Variants in GLRA3 observed in about 807,000 individuals in gnomAD.
GLRA3 encodes glycine receptor alpha 3.
Under a neutral mutation model 60.4 loss-of-function variants are expected in GLRA3, and 44 were observed. The ratio of observed to expected loss-of-function variants is 0.73; its 90% CI spans 0.57 to 0.94. The LOEUF (loss-of-function observed/expected upper bound fraction) is 0.94. GLRA3 is among the 40% of genes least tolerant of loss of function. GLRA3 has a pLI of 0.00. For missense variants in GLRA3, 508 were observed against 564.6 expected (o/e 0.90, Z 1.02); for synonymous variants, 223 against 192.9 (o/e 1.16, Z -1.29).
intron 5 of GLRA3, among the ~76,000 whole-genome samples, chr4:174,702,671 G>A (rs1022129936): frequency 2.6e-5 from 4 of 152,102 alleles, no homozygotes; most frequent in Non-Finnish European, 4.4e-5. Flanking sequence ...GGGCTCAAGT[G>A]GTCCTTTCAC....
chr4:174,642,791 GT>G lies in GLRA3; in HGVS notation c.*994del. ...CCCATAAAACATTGATGGGAAAATG[GT>G]TTTTATTAAAAAATCTTCCATGAAT... On this transcript the variant is annotated 3_prime_UTR_variant, in exon 10 of 10. Coordinates refer to ENST00000274093, the MANE Select transcript of GLRA3 (RefSeq NM_006529.4). 1.2e-6 allele frequency: 1 copy of G among 802,250 alleles called. No individual in the cohort carries two copies. The highest frequency in any genetic ancestry group is 1.5e-6 in the Non-Finnish European group (1 of 663,360). The allele number at this position is 802,250 out of a possible 1,614,324, so 49.7% of individuals were successfully genotyped here.
chr4:174,800,601 A>C (rs909414901), intron 1 of GLRA3, among the ~76,000 whole-genome samples: 92 of 146,242 alleles, frequency 6.3e-4, no homozygotes, highest in African/African-American at 7.8e-4. Context: ...TTAAAACCAA[A>C]CCCCCCCCGC....
intron 5 of GLRA3, among the ~76,000 whole-genome samples, chr4:174,690,307 T>G (rs1023197651): frequency 1.3e-5 from 2 of 152,224 alleles, no homozygotes; most frequent in Non-Finnish European, 2.9e-5. Context: ...GTTAGTATTT[T>G]CATTTACATT....
At chr4:174,680,392 A>G (rs150767899) in intron 6 of GLRA3, among the ~76,000 whole-genome samples, 1,968 of 152,338 alleles carry the variant, frequency 0.013, 23 homozygotes, top group South Asian at 0.034. Flanking sequence ...GCAAAAAATA[A>G]GTAAACATAA....
chr4:174,712,348 T>A (rs1163852321), intron 5 of GLRA3, among the ~76,000 whole-genome samples: 1 of 152,174 alleles, frequency 6.6e-6, no homozygotes, highest in Non-Finnish European at 1.5e-5. Context: ...ATAATTTTTA[T>A]CATTATATTT....
chr4:174,794,598 G>A (rs533961269), intron 1 of GLRA3, among the ~76,000 whole-genome samples: 133 of 152,030 alleles, frequency 8.7e-4, no homozygotes, highest in Non-Finnish European at 1.6e-3. Flanking sequence ...TATCCCTTTC[G>A]AATAACTAAA....
At chr4:174,744,906 G>A (rs547993883) in intron 3 of GLRA3, among the ~76,000 whole-genome samples, 1 of 152,178 alleles carries the variant, frequency 6.6e-6, no homozygotes, top group South Asian at 2.1e-4. Context: ...ACAGAAATCA[G>A]AAAAACAATT....
At chr4:174,813,116 TAGA>T (rs1740335937) in intron 1 of GLRA3, among the ~76,000 whole-genome samples, 2 of 152,182 alleles carry the variant, frequency 1.3e-5, no homozygotes, top group South Asian at 2.1e-4. Context: ...TGCTCATATA[TAGA>T]AGAATTTTTT....
At chr4:174,727,162 A>G (rs1157144239) in intron 4 of GLRA3, among the ~76,000 whole-genome samples, 1 of 152,218 alleles carries the variant, frequency 6.6e-6, no homozygotes, top group Non-Finnish European at 1.5e-5. Context: ...TGTGAAAAGC[A>G]GACATAATGT....
rs555649165 is a variant in GLRA3 at position 174,644,623 on chromosome 4, C to T, written c.1117-559G>A. On this transcript the variant is annotated intron_variant, in intron 9 of 9. Transcript: ENST00000274093. Reference sequence around the variant, plus strand: ...TGCTACTTTTCTGTTTTACACTAACCTTTTTGGAATACTTAGAAGATGGCC... The same window carrying T: ...TGCTACTTTTCTGTTTTACACTAACTTTTTTGGAATACTTAGAAGATGGCC... Among the ~76,000 whole-genome samples, 5 of 152,130 alleles carry T rather than the reference C, an allele frequency of 3.3e-5. No individual in the cohort carries two copies. The East Asian group carries it at 9.7e-4, about 29-fold the overall frequency.
At chr4:174,696,534 A>T (rs1735061113) in intron 5 of GLRA3, among the ~76,000 whole-genome samples, 2 of 150,542 alleles carry the variant, frequency 1.3e-5, no homozygotes, top group Admixed American at 1.3e-4. Flanking sequence ...TTAAAGGTTT[A>T]AACAGGCAAC....
intron 7 of GLRA3, among the ~76,000 whole-genome samples, chr4:174,665,407 G>A (rs1263596800): frequency 6.6e-6 from 1 of 151,768 alleles, no homozygotes. Context: ...TTTTTTCAAA[G>A]GTCACTCATT....
At chr4:174,752,240 C>T (rs902989887) in intron 3 of GLRA3, among the ~76,000 whole-genome samples, 2 of 151,962 alleles carry the variant, frequency 1.3e-5, no homozygotes, top group African/African-American at 4.8e-5. Context: ...CATTGAAAGA[C>T]GGAGTGAGCA....
chr4:174,694,166 T>A (rs1265100360), intron 5 of GLRA3, among the ~76,000 whole-genome samples: 1 of 152,170 alleles, frequency 6.6e-6, no homozygotes, highest in African/African-American at 2.4e-5. Flanking sequence ...ACTGACAGTA[T>A]TAGTCAGATC....
intron 1 of GLRA3, among the ~76,000 whole-genome samples, chr4:174,817,468 A>G (rs1290368661): frequency 2.0e-5 from 3 of 152,324 alleles, no homozygotes; most frequent in South Asian, 4.1e-4. Context: ...TCACTCACAA[A>G]TGAAACTAAT....
In GLRA3 at chr4:174,656,756, C is replaced by A. The variant is rs142149685; in HGVS notation, c.1103G>T (p.Arg368Leu). The change falls in exon 9 of 10, where the codon CGT becomes CTT. Residue 368 changes from arginine (R) to leucine (L), a missense_variant. Coordinates refer to ENST00000274093, the MANE Select transcript of GLRA3 (RefSeq NM_006529.4). ...AAGTCAATTTACCATATCTGAGAAA[C>A]GGTAAAACTTCTCCAGTGCAAAAGC... ...TEAFALEKFY[R>L]FSDMDDEVRE... 2 of 1,575,940 alleles carry A rather than the reference C, an allele frequency of 1.3e-6. No individual in the cohort carries two copies. The highest frequency in any genetic ancestry group is 2.7e-5 in the African/African-American group (2 of 74,164).
chr4:174,692,002 C>T (rs2111012913), intron 5 of GLRA3, among the ~76,000 whole-genome samples: 1 of 151,762 alleles, frequency 6.6e-6, no homozygotes, highest in African/African-American at 2.4e-5. Context: ...CTCTGCCCCG[C>T]CGCCCCGTCT....
rs548216689 is a variant in GLRA3 at position 174,656,903 on chromosome 4, T to C, written c.1072-116A>G. 54 of 596,812 alleles carry C rather than the reference T, an allele frequency of 9.0e-5. No individual in the cohort carries two copies. In the South Asian group the frequency reaches 1.1e-3, roughly 13 times the overall value. 37.0% of individuals were successfully genotyped at this position (596,812 alleles called of 1,614,324 possible). A position where few individuals can be genotyped will look rare whatever the true frequency, so the allele number is the denominator to read the frequency against. ...TGTATATACCATTTGAACAGACATATGTAGCAATTAATAGATTTTCACATA... is the reference window on the plus strand; with the variant it reads ...TGTATATACCATTTGAACAGACATACGTAGCAATTAATAGATTTTCACATA... On this transcript the variant is annotated intron_variant, in intron 8 of 9. Coordinates refer to ENST00000274093, the MANE Select transcript of GLRA3 (RefSeq NM_006529.4).
chr4:174,777,168 A>C (rs1322415338), intron 2 of GLRA3, among the ~76,000 whole-genome samples: 2 of 152,230 alleles, frequency 1.3e-5, no homozygotes, highest in Non-Finnish European at 2.9e-5. Context: ...TAGGCAGAAA[A>C]AAATAGCCTA....
Sources: allele counts gnomAD v4.1 joint callset (sites outside exome capture counted in the v4.1 genomes callset), GRCh38; gene constraint gnomAD v4.1.1; transcripts MANE v1.5; gene names NCBI Gene and HGNC (gene_info 2026-07-23, HGNC 2026-07-21).